The following KANSL1L variants were observed in gnomAD, a reference collection of about 807,000 sequenced individuals.
The protein encoded by KANSL1L is KAT8 regulatory NSL complex subunit 1-like protein.
KANSL1L carries 25 observed loss-of-function variants against 108.6 expected under a neutral mutation model. The ratio of observed to expected loss-of-function variants is 0.23; its 90% CI spans 0.17 to 0.32. The LOEUF (loss-of-function observed/expected upper bound fraction) is 0.32, where lower values mean the gene tolerates loss of function less well. Among genes scored for constraint, KANSL1L ranks in the 10% least tolerant of loss-of-function variants. The probability of loss-of-function intolerance (pLI) is 1.00; values close to 1 mark genes in which losing one functional copy is unlikely to be tolerated. For synonymous variants in KANSL1L, 405 were observed against 395.1 expected, an observed-to-expected ratio of 1.03 and a Z score of -0.30; for missense variants, 1,137 against 1,125.7, an observed-to-expected ratio of 1.01 and a Z score of -0.14.
At chr2:210,141,717 T>C (rs1041153247) in intron 2 of KANSL1L, among the ~76,000 whole-genome samples, 1 of 152,212 alleles carries the variant, frequency 6.6e-6, no homozygotes, top group Non-Finnish European at 1.5e-5. Context: ...GCTTATCATA[T>C]ATGGCCTTTA....
chr2:210,126,514 T>TA (rs977759403), intron 3 of KANSL1L, among the ~76,000 whole-genome samples: 1 of 151,818 alleles, frequency 6.6e-6, no homozygotes, highest in African/African-American at 2.4e-5. Flanking sequence ...ACACAATCTC[T>TA]AAAAAAACAC....
At chr2:210,031,075 T>C (rs997669380) in intron 9 of KANSL1L, 1 of 189,802 alleles carries the variant, frequency 5.3e-6, no homozygotes, top group Non-Finnish European at 1.1e-5. Flanking sequence ...CCACAGTAGG[T>C]ACCATAAATG....
At chr2:210,150,518 C>G (rs990371837) in intron 2 of KANSL1L, among the ~76,000 whole-genome samples, 1 of 152,104 alleles carries the variant, frequency 6.6e-6, no homozygotes, top group African/African-American at 2.4e-5. Flanking sequence ...TGCGGTGGCT[C>G]ATGCCTGTAA....
intron 2 of KANSL1L, among the ~76,000 whole-genome samples, chr2:210,135,089 G>A (rs183727991): frequency 2.1e-4 from 32 of 152,208 alleles, no homozygotes; most frequent in African/African-American, 6.5e-4. Flanking sequence ...TAAGGAACAG[G>A]AACTATCATA....
At chr2:210,158,941 T>C (rs1183850083) in intron 1 of KANSL1L, among the ~76,000 whole-genome samples, 9 of 152,204 alleles carry the variant, frequency 5.9e-5, no homozygotes, top group Non-Finnish European at 1.2e-4. Flanking sequence ...CTCCATATTA[T>C]ATAAACAACT....
In KANSL1L at chr2:210,023,110, C is replaced by G; in HGVS notation, c.2803G>C (p.Glu935Gln). ...GACCTTTCAACCTGATCCTTTTTTT[C>G]ATCTTGACATAATAAGGCTGCCATG... Reference protein sequence around the residue: ...EDMAALLCQDEKKDQVERSST... With the variant: ...EDMAALLCQDQKKDQVERSST... Residue 935 changes from glutamate to glutamine, a missense_variant, in exon 15 of 15, where the codon GAA becomes CAA. Glu to Gln is a conservative substitution (Grantham distance 29). Transcript: ENST00000281772. The G allele has an allele frequency of 1.2e-6, 2 of 1,613,926 alleles. No homozygotes were observed. The highest frequency in any genetic ancestry group is 1.7e-6 in the Non-Finnish European group (2 of 1,179,912).
At chr2:210,145,971 G>A (rs1559600521) in intron 2 of KANSL1L, among the ~76,000 whole-genome samples, 2 of 152,008 alleles carry the variant, frequency 1.3e-5, no homozygotes, top group Non-Finnish European at 2.9e-5. Flanking sequence ...CCCAGTCCTG[G>A]AAAGGCAGCT....
chr2:210,103,200 A>G (rs1472422478), intron 4 of KANSL1L, among the ~76,000 whole-genome samples: 1 of 152,090 alleles, frequency 6.6e-6, no homozygotes, highest in Admixed American at 6.6e-5. Flanking sequence ...CATCATTCTG[A>G]GCAAACTATC....
At chr2:210,101,643 A>C (rs533119991) in intron 4 of KANSL1L, among the ~76,000 whole-genome samples, 1 of 152,292 alleles carries the variant, frequency 6.6e-6, no homozygotes, top group Admixed American at 6.5e-5. Flanking sequence ...ACAAAAACTA[A>C]TTTAAATCAA....
rs1342791172 is a variant in KANSL1L at position 210,171,334 on chromosome 2, C to T, written c.-215G>A. Reference sequence around the variant, plus strand: ...CCGCCGCCGCCGCCGCCGCCGCCGCCGCCGCCGCGGTTTAACAGTCCGCCC... The same window carrying T: ...CCGCCGCCGCCGCCGCCGCCGCCGCTGCCGCCGCGGTTTAACAGTCCGCCC... On this transcript the variant is annotated 5_prime_UTR_variant, in exon 1 of 15. Transcript: ENST00000281772. 3.2e-4 allele frequency: 31 copies of T among 95,910 alleles called. No individual in the cohort carries two copies. The East Asian group carries it at 9.1e-3, about 28-fold the overall frequency. The allele number at this position is 95,910 out of a possible 1,614,324, so 5.9% of individuals were successfully genotyped here.
At chr2:210,133,180 A>G (rs2095142352) in intron 2 of KANSL1L, among the ~76,000 whole-genome samples, 2 of 152,160 alleles carry the variant, frequency 1.3e-5, no homozygotes, top group Non-Finnish European at 2.9e-5. Context: ...AGTCCCTTAT[A>G]TAAAATGATG....
At chr2:210,057,936 C>A (rs1196310736) in intron 6 of KANSL1L, among the ~76,000 whole-genome samples, 3 of 152,078 alleles carry the variant, frequency 2.0e-5, no homozygotes, top group African/African-American at 7.2e-5. Flanking sequence ...GCATTAACTG[C>A]ACAAATTGTT....
chr2:210,047,610 A>G (rs1275822683), intron 6 of KANSL1L, among the ~76,000 whole-genome samples: 1 of 152,230 alleles, frequency 6.6e-6, no homozygotes, highest in Non-Finnish European at 1.5e-5. Flanking sequence ...CTCTAAATAA[A>G]ATGCATTTAA....
At chr2:210,046,191 A>T (rs1397674042) in intron 6 of KANSL1L, among the ~76,000 whole-genome samples, 1 of 152,120 alleles carries the variant, frequency 6.6e-6, no homozygotes, top group African/African-American at 2.4e-5. Context: ...TCACATTGGG[A>T]ATTAGGTTTC....
chr2:210,061,363 C>T (rs2094418112), intron 6 of KANSL1L, among the ~76,000 whole-genome samples: 1 of 152,272 alleles, frequency 6.6e-6, no homozygotes, highest in South Asian at 2.1e-4. Context: ...ATCAGGGTGG[C>T]TTCTGTTGTC....
intron 3 of KANSL1L, among the ~76,000 whole-genome samples, chr2:210,126,279 T>C (rs2095064986): frequency 6.6e-6 from 1 of 152,130 alleles, no homozygotes; most frequent in Non-Finnish European, 1.5e-5. Context: ...GATAGACTTG[T>C]ATAAACTACA....
intron 6 of KANSL1L, among the ~76,000 whole-genome samples, chr2:210,062,514 GAA>G (rs2094430459): frequency 6.6e-6 from 1 of 152,190 alleles, no homozygotes; most frequent in Non-Finnish European, 1.5e-5. Flanking sequence ...AAAAGTGTGG[GAA>G]AGTTTGGAAC....
At chr2:210,108,177 T>C (rs2094869337) in intron 3 of KANSL1L, among the ~76,000 whole-genome samples, 2 of 152,284 alleles carry the variant, frequency 1.3e-5, no homozygotes, top group African/African-American at 4.8e-5. Context: ...CTAAACACTT[T>C]GATTAATTCC....
chr2:210,057,476 C>G (rs2094364636), intron 6 of KANSL1L, among the ~76,000 whole-genome samples: 1 of 152,024 alleles, frequency 6.6e-6, no homozygotes, highest in South Asian at 2.1e-4. Context: ...CTGAGACAGG[C>G]AGATCATGAG....
Sources: allele counts gnomAD v4.1 joint callset (sites outside exome capture counted in the v4.1 genomes callset), GRCh38; gene constraint gnomAD v4.1.1; transcripts MANE v1.5; gene names NCBI Gene and HGNC (gene_info 2026-07-23, HGNC 2026-07-21).